The following KCNQ1OT1 variants were observed in gnomAD, a reference collection of about 807,000 sequenced individuals.
KCNQ1OT1 encodes KCNQ1 opposite strand/antisense transcript 1.
Position 2,671,332 on chromosome 11 carries a change from G to T in KCNQ1OT1, n.28663C>A, listed in dbSNP as rs77981756. On this transcript the variant is annotated non_coding_transcript_exon_variant, in exon 1 of 1. Transcript: ENST00000597346. The surrounding 1 kb of genome is among the most constrained non-coding windows in gnomAD (Gnocchi z 4.7). ...CCCATGTGTGGCTGCAGCCTCAGAGGCTCCCTCTGAAGATGACACTGGGAA... is the reference window on the plus strand; with the variant it reads ...CCCATGTGTGGCTGCAGCCTCAGAGTCTCCCTCTGAAGATGACACTGGGAA... The T allele has an allele frequency of 2.5e-6, 1 of 398,374 alleles. No individual in the cohort carries two copies. The highest frequency in any genetic ancestry group is 2.1e-5 in the African/African-American group (1 of 48,566). The allele number at this position is 398,374 out of a possible 1,614,324, so 24.7% of individuals were successfully genotyped here. A position where few individuals can be genotyped will look rare whatever the true frequency, so the allele number is the denominator to read the frequency against.
exon 1 of KCNQ1OT1, chr11:2,666,241 G>C (rs538202915): frequency 2.5e-6 from 1 of 398,582 alleles, no homozygotes; most frequent in Non-Finnish European, 4.4e-6. Flanking sequence ...ATTGAGATGG[G>C]CATGGGGGAG....
Position 2,674,832 on chromosome 11 carries a change from T to TAAAA in KCNQ1OT1, n.25159_25162dup, listed in dbSNP as rs34219164. 8.2e-5 allele frequency: 25 copies of TAAAA among 303,834 alleles called. No individual in the cohort carries two copies. The highest frequency in any genetic ancestry group is 5.3e-4 in the Admixed American group (7 of 13,250). 18.8% of individuals were successfully genotyped at this position (303,834 alleles called of 1,614,324 possible). On this transcript the variant is annotated non_coding_transcript_exon_variant, in exon 1 of 1. Coordinates refer to ENST00000597346, the Ensembl canonical transcript of KCNQ1OT1. The surrounding 1 kb of genome is among the most constrained non-coding windows in gnomAD (Gnocchi z 5.9). Reference sequence around the variant, plus strand: ...GCTTGTCACCCTAATAGCTGTTTTTTAAAAAAAAAAAAAAAAAAAAAAAAA... The same window carrying TAAAA: ...GCTTGTCACCCTAATAGCTGTTTTTTAAAAAAAAAAAAAAAAAAAAAAAAAAAAA...
chr11:2,685,378 A>G, exon 1 of KCNQ1OT1: 1 of 398,700 alleles, frequency 2.5e-6, no homozygotes, highest in Non-Finnish European at 4.4e-6. Context: ...TGCCTGGTAC[A>G]TGGGCAGGGG....
exon 1 of KCNQ1OT1, chr11:2,622,290 A>G: frequency 2.5e-6 from 1 of 398,304 alleles, no homozygotes; most frequent in Non-Finnish European, 4.4e-6. Flanking sequence ...CCATTTTCTC[A>G]GTATGTAATG....
At chr11:2,684,179 A>G in exon 1 of KCNQ1OT1, 1 of 398,648 alleles carries the variant, frequency 2.5e-6, no homozygotes, top group Non-Finnish European at 4.4e-6. Flanking sequence ...AGAAGCGCCC[A>G]CTGGGGCTTG....
chr11:2,675,441 AGAT>A (rs1448302027), exon 1 of KCNQ1OT1: 5 of 398,574 alleles, frequency 1.3e-5, no homozygotes, highest in African/African-American at 6.2e-5. Context: ...TTAAAATAAA[AGAT>A]GATCTGAAAA....
In KCNQ1OT1 at chr11:2,621,339, G is replaced by A. The variant is rs1309288914; in HGVS notation, n.78656C>T. The A allele has an allele frequency of 2.5e-6, 1 of 398,390 alleles. No individual in the cohort carries two copies. Among genetic ancestry groups the A allele is most frequent in the Non-Finnish European group, 4.4e-6 (1 of 226,034 alleles). 24.7% of individuals were successfully genotyped at this position (398,390 alleles called of 1,614,324 possible). On this transcript the variant is annotated non_coding_transcript_exon_variant, in exon 1 of 1. Coordinates refer to ENST00000597346, the Ensembl canonical transcript of KCNQ1OT1. This position sits in a 1 kb window ranked among gnomAD's most constrained non-coding sequence, Gnocchi z 5.7. ...AATGTTTTTTTGTTTGGCTACTTCT[G>A]TATTTTCTTTTAAGAAATGTATGTT...
At position 2,672,322 on chromosome 11, in the gene KCNQ1OT1, C is replaced by A. The variant is rs1160131034; in HGVS notation, n.27673G>T. On this transcript the variant is annotated non_coding_transcript_exon_variant, in exon 1 of 1. Coordinates refer to ENST00000597346, the Ensembl canonical transcript of KCNQ1OT1. ...GGCTCCAGGTGGGAGCTCAAGGGGGCCTGGTGTGGTGGGTGCAGAAGCAGT... is the reference window on the plus strand; with the variant it reads ...GGCTCCAGGTGGGAGCTCAAGGGGGACTGGTGTGGTGGGTGCAGAAGCAGT... 1.3e-5 allele frequency: 5 copies of A among 398,512 alleles called. No homozygotes were observed. In the East Asian group the frequency reaches 1.8e-4, roughly 14 times the overall value. 24.7% of individuals were successfully genotyped at this position (398,512 alleles called of 1,614,324 possible).
In KCNQ1OT1 at chr11:2,663,876, AG is replaced by A. The variant is rs1850014266; in HGVS notation, n.36118del. 2 of 398,560 alleles carry A rather than the reference AG, an allele frequency of 5.0e-6. No individual in the cohort carries two copies. The highest frequency in any genetic ancestry group is 4.1e-5 in the African/African-American group (2 of 48,628). 24.7% of individuals were successfully genotyped at this position (398,560 alleles called of 1,614,324 possible). On this transcript the variant is annotated non_coding_transcript_exon_variant, in exon 1 of 1. Coordinates refer to ENST00000597346, the Ensembl canonical transcript of KCNQ1OT1. The surrounding 1 kb of genome is among the most constrained non-coding windows in gnomAD (Gnocchi z 5.2). Reference sequence around the variant, plus strand: ...GAGCCAGAGGTTACCCACCTGCCCAAGGGTGACCCCAAGCCAGTGTGGCTGT... The same window carrying A: ...GAGCCAGAGGTTACCCACCTGCCCAAGGTGACCCCAAGCCAGTGTGGCTGT...
exon 1 of KCNQ1OT1, chr11:2,615,288 C>G (rs906444178): frequency 2.5e-6 from 1 of 397,912 alleles, no homozygotes; most frequent in African/African-American, 2.1e-5. Flanking sequence ...TTTATTAGCT[C>G]TACTAGTTTG....
At chr11:2,638,115 G>C (rs548111772) in exon 1 of KCNQ1OT1, 8 of 152,224 alleles carry the variant, frequency 5.3e-5, no homozygotes, top group South Asian at 2.1e-4. Context: ...ACACTGATGG[G>C]TCTTGACTCT....
In KCNQ1OT1 at chr11:2,669,805, G is replaced by C; in HGVS notation, n.30190C>G. On this transcript the variant is annotated non_coding_transcript_exon_variant, in exon 1 of 1. Coordinates refer to ENST00000597346, the Ensembl canonical transcript of KCNQ1OT1. The surrounding 1 kb of genome is among the most constrained non-coding windows in gnomAD (Gnocchi z 5.6). ...TGGGGACATTCCTTATTTGGCCTGA[G>C]AGCTTTTGAGACTGCCAGGTCATGA... 2.5e-6 allele frequency: 1 copy of C among 398,638 alleles called. No homozygotes were observed. The highest frequency in any genetic ancestry group is 4.4e-6 in the Non-Finnish European group (1 of 226,086). 24.7% of individuals were successfully genotyped at this position (398,638 alleles called of 1,614,324 possible). A position where few individuals can be genotyped will look rare whatever the true frequency, so the allele number is the denominator to read the frequency against.
exon 1 of KCNQ1OT1, chr11:2,649,826 A>G: frequency 2.5e-6 from 1 of 398,348 alleles, no homozygotes; most frequent in East Asian, 3.6e-5. Flanking sequence ...TTTATCTGTT[A>G]GTCTCTTTCT....
At chr11:2,699,703 G>A in exon 1 of KCNQ1OT1, 1 of 225,874 alleles carries the variant, frequency 4.4e-6, no homozygotes. Flanking sequence ...GCCCCGAGGA[G>A]AACGGCGCCG....
chr11:2,699,802 C>G (rs896864023), exon 1 of KCNQ1OT1: 3 of 397,098 alleles, frequency 7.6e-6, no homozygotes, highest in African/African-American at 2.1e-5. Context: ...AGGGGCGCGC[C>G]GGGGAGAACC....
exon 1 of KCNQ1OT1, chr11:2,643,556 C>A: frequency 2.5e-6 from 1 of 398,452 alleles, no homozygotes; most frequent in Non-Finnish European, 4.4e-6. Flanking sequence ...AGGTGAGATG[C>A]GTTTCTTGTA....
At chr11:2,619,394 TTCA>T (rs1849126189) in exon 1 of KCNQ1OT1, 1 of 398,474 alleles carries the variant, frequency 2.5e-6, no homozygotes, top group African/African-American at 2.1e-5. Flanking sequence ...GATGTTCAAC[TTCA>T]TCAAATACTT....
chr11:2,634,232 C>A (rs1305242061), exon 1 of KCNQ1OT1: 1 of 390,226 alleles, frequency 2.6e-6, no homozygotes, highest in Non-Finnish European at 4.5e-6. Flanking sequence ...AGGTTTGTTA[C>A]ATATGTATAC....
chr11:2,667,260 C>T (rs1185478842), exon 1 of KCNQ1OT1: 5 of 398,536 alleles, frequency 1.3e-5, no homozygotes, highest in African/African-American at 2.1e-5. Flanking sequence ...GAGGAAGAAG[C>T]GGCTGGCCTA....
Sources: allele counts gnomAD v4.1 joint callset, GRCh38; gene constraint gnomAD v4.1.1; non-coding constraint Gnocchi (gnomAD v3.1); transcripts MANE v1.5; gene names NCBI Gene and HGNC (gene_info 2026-07-23, HGNC 2026-07-21).